Variants in SH3RF1 observed in about 807,000 individuals in gnomAD.
SH3RF1 encodes the protein SH3 domain containing ring finger 1.
Under a neutral mutation model 74.0 loss-of-function variants are expected in SH3RF1, and 32 were observed. The observed-to-expected ratio is 0.43, with a 90% confidence interval of 0.33 to 0.58. The LOEUF is 0.58. Ranked by LOEUF, SH3RF1 falls within the 20% of genes least tolerant of loss-of-function variation. SH3RF1 has a pLI of 0.05. For synonymous variants in SH3RF1, 396 were observed against 439.6 expected (o/e 0.90, Z 1.24); for missense variants, 954 against 1,130.9 (o/e 0.84, Z 2.24).
intron 2 of SH3RF1, among the ~76,000 whole-genome samples, chr4:169,222,325 C>T (rs149469877): frequency 0.032 from 4,867 of 151,980 alleles, 270 homozygotes; most frequent in African/African-American, 0.11. Context: ...ATTAGCCAGG[C>T]ATGGTAGCAG....
In SH3RF1 at chr4:169,240,519, G is replaced by C. The variant is rs1730891339; in HGVS notation, c.393+28301C>G. On this transcript the variant is annotated intron_variant, in intron 2 of 11. Coordinates refer to ENST00000284637, the MANE Select transcript of SH3RF1 (RefSeq NM_020870.4). ...TGGCCCCCTTCACTTAATTATTTAA[G>C]AAAGCAGTTTGAGAAACTGTTCAAT... Among the ~76,000 whole-genome samples, 3 of 152,266 alleles carry C rather than the reference G, an allele frequency of 2.0e-5. No individual in the cohort carries two copies. The South Asian group carries it at 6.2e-4, about 32-fold the overall frequency.
chr4:169,109,222 AT>A (rs1198402714), intron 10 of SH3RF1, among the ~76,000 whole-genome samples: 1 of 152,250 alleles, frequency 6.6e-6, no homozygotes, highest in Non-Finnish European at 1.5e-5. Flanking sequence ...CAGTGAGAAC[AT>A]CAAGTCCATT....
chr4:169,119,549 CATT>C (rs1385578352), intron 8 of SH3RF1, among the ~76,000 whole-genome samples: 1 of 151,804 alleles, frequency 6.6e-6, no homozygotes, highest in African/African-American at 2.4e-5. Flanking sequence ...TTCTCTTATC[CATT>C]ATTATCATTA....
chr4:169,216,453 T>C (rs2126998826), intron 2 of SH3RF1, among the ~76,000 whole-genome samples: 2 of 152,348 alleles, frequency 1.3e-5, no homozygotes, highest in Middle Eastern at 6.8e-3. Context: ...AAATTTTCCA[T>C]AACTGTTCTT....
chr4:169,101,371 AGAC>A (rs1383739915), intron 11 of SH3RF1, among the ~76,000 whole-genome samples: 2 of 152,210 alleles, frequency 1.3e-5, no homozygotes, highest in African/African-American at 4.8e-5. Context: ...CACAGAAGGA[AGAC>A]TATTGCATGA....
chr4:169,122,227 C>A lies in SH3RF1; in HGVS notation c.1219G>T (p.Ala407Ser), dbSNP rs1331180982. Residue 407 changes from alanine (A) to serine (S), a missense_variant, in exon 7 of 12, where the codon GCC becomes TCC. Transcript: ENST00000284637. ...GGTGGTGTGGAGGCAAGGACAGTGGCAGCCAGGAGAGGGGGTGGTGGAAGA... is the reference window on the plus strand; with the variant it reads ...GGTGGTGTGGAGGCAAGGACAGTGGAAGCCAGGAGAGGGGGTGGTGGAAGA... ...PPLPPPPLLAATVLASTPPGA... is the reference protein window; with the variant it reads ...PPLPPPPLLASTVLASTPPGA... 1.4e-5 allele frequency: 22 copies of A among 1,611,226 alleles called. No individual in the cohort carries two copies. Among genetic ancestry groups the A allele is most frequent in the Non-Finnish European group, 1.9e-5 (22 of 1,178,636 alleles).
At chr4:169,233,476 A>C (rs1040799602) in intron 2 of SH3RF1, among the ~76,000 whole-genome samples, 8 of 152,190 alleles carry the variant, frequency 5.3e-5, no homozygotes, top group Non-Finnish European at 1.0e-4. Context: ...TTGATAACTA[A>C]TGTTTATTGA....
At chr4:169,218,310 A>T (rs946162036) in intron 2 of SH3RF1, among the ~76,000 whole-genome samples, 1 of 102,086 alleles carries the variant, frequency 9.8e-6, no homozygotes, top group African/African-American at 2.8e-5. Context: ...TAAATATAGA[A>T]TATAGAATAT....
chr4:169,175,278 C>T (rs1230601708), intron 2 of SH3RF1, among the ~76,000 whole-genome samples: 3 of 152,190 alleles, frequency 2.0e-5, no homozygotes, highest in Non-Finnish European at 4.4e-5. Context: ...CTATTATCCA[C>T]AGTCTTGCCT....
intron 2 of SH3RF1, among the ~76,000 whole-genome samples, chr4:169,214,715 G>A (rs1454007261): frequency 6.6e-6 from 1 of 152,000 alleles, no homozygotes; most frequent in Non-Finnish European, 1.5e-5. Flanking sequence ...TCTTTTAGGT[G>A]CTAATGTAAA....
intron 11 of SH3RF1, among the ~76,000 whole-genome samples, chr4:169,098,173 G>GT (rs1732962024): frequency 1.3e-5 from 2 of 152,208 alleles, no homozygotes; most frequent in African/African-American, 2.4e-5. Flanking sequence ...ACTTTTGGGC[G>GT]TAACTGGTTA....
intron 2 of SH3RF1, among the ~76,000 whole-genome samples, chr4:169,215,080 T>C (rs1447902897): frequency 6.6e-6 from 1 of 152,202 alleles, no homozygotes; most frequent in African/African-American, 2.4e-5. Flanking sequence ...AAGTATGTTG[T>C]TATCTGTAGG....
chr4:169,138,529 A>T (rs921442368), intron 4 of SH3RF1, among the ~76,000 whole-genome samples: 1 of 152,244 alleles, frequency 6.6e-6, no homozygotes, highest in Non-Finnish European at 1.5e-5. Context: ...CTGGAAACTG[A>T]CTGATCAACT....
At chr4:169,128,065 T>C (rs1262522013) in intron 6 of SH3RF1, among the ~76,000 whole-genome samples, 1 of 152,244 alleles carries the variant, frequency 6.6e-6, no homozygotes, top group Non-Finnish European at 1.5e-5. Flanking sequence ...AGATTTGAGA[T>C]GCTTAACCTA....
chr4:169,181,578 T>A (rs6842477), intron 2 of SH3RF1, among the ~76,000 whole-genome samples: 8,559 of 152,126 alleles, frequency 0.056, 399 homozygotes, highest in Admixed American at 0.15. Context: ...GCCTTTTAAG[T>A]CCTCACTCCT....
At chr4:169,158,642 G>A (rs752361525) in intron 2 of SH3RF1, among the ~76,000 whole-genome samples, 2 of 152,198 alleles carry the variant, frequency 1.3e-5, no homozygotes, top group Admixed American at 6.5e-5. Context: ...AGAGCTATGT[G>A]CAAAGCACAG....
chr4:169,111,627 A>C (rs1231709186), intron 10 of SH3RF1, among the ~76,000 whole-genome samples: 2 of 152,102 alleles, frequency 1.3e-5, no homozygotes, highest in African/African-American at 4.8e-5. Flanking sequence ...GTATCTCCCA[A>C]AGATTTGGAG....
intron 2 of SH3RF1, among the ~76,000 whole-genome samples, chr4:169,192,121 G>T (rs1734729026): frequency 6.6e-6 from 1 of 152,016 alleles, no homozygotes; most frequent in Non-Finnish European, 1.5e-5. Context: ...CCACAGAGTG[G>T]GAGAAAATCT....
At chr4:169,113,217 T>C (rs1733269651) in intron 10 of SH3RF1, among the ~76,000 whole-genome samples, 1 of 151,944 alleles carries the variant, frequency 6.6e-6, no homozygotes, top group Admixed American at 6.6e-5. Flanking sequence ...TTCAAGTGAT[T>C]CTCCAGCTTC....
Sources: allele counts gnomAD v4.1 joint callset (sites outside exome capture counted in the v4.1 genomes callset), GRCh38; gene constraint gnomAD v4.1.1; transcripts MANE v1.5; gene names NCBI Gene and HGNC (gene_info 2026-07-23, HGNC 2026-07-21).